DPPA4: variants seen among roughly 807,000 people sequenced by gnomAD.
DPPA4 encodes the protein developmental pluripotency-associated protein 4.
DPPA4 carries 22 observed loss-of-function variants against 33.7 expected under a neutral mutation model. The observed-to-expected ratio is 0.65, with a 90% confidence interval of 0.47 to 0.93. The LOEUF (loss-of-function observed/expected upper bound fraction) is 0.93, where lower values mean the gene tolerates loss of function less well. Ranked by LOEUF, DPPA4 falls within the 40% of genes least tolerant of loss-of-function variation. DPPA4 has a pLI of 0.00. For missense variants in DPPA4, 340 were observed against 358.6 expected (o/e 0.95, Z 0.42); for synonymous variants, 156 against 132.3 (o/e 1.18, Z -1.23).
rs1316494103 is a variant in DPPA4, at chr3:109,327,791, T to C, written c.*197A>G. The C allele has an allele frequency of 2.1e-6, 1 of 482,370 alleles. No individual in the cohort carries two copies. Among genetic ancestry groups the C allele is most frequent in the African/African-American group, 2.0e-5 (1 of 50,650 alleles). The allele number at this position is 482,370 out of a possible 1,614,324, so 29.9% of individuals were successfully genotyped here. ...TGTGAAATGTTTTTCCATTTTTAAA[T>C]GTAAGAGTCTCTATCTCCACTCACA... On this transcript the variant is annotated 3_prime_UTR_variant, in exon 7 of 7. Transcript: ENST00000335658.
Position 109,337,447 on chromosome 3 carries a change from A to G in DPPA4, c.54+17T>C, listed in dbSNP as rs1226912110. On this transcript the variant is annotated intron_variant, in intron 1 of 6. Coordinates refer to ENST00000335658, the MANE Select transcript of DPPA4 (RefSeq NM_018189.4). ...ACAAAGACAGACAGAAAACAAATCC[A>G]CTAAAACTGTACTGACCTCCTTGCC... The G allele has an allele frequency of 1.2e-6, 2 of 1,612,428 alleles. No individual in the cohort carries two copies. The highest frequency in any genetic ancestry group is 2.7e-5 in the African/African-American group (2 of 74,794).
In DPPA4 at chr3:109,328,938, G is replaced by A; in HGVS notation, c.830C>T (p.Pro277Leu). ...CATATTGTCTTCAAGGTGCGGGGGT[G>A]GAAAATTGGAGGCAGGAAGCAAGAA... ...ALFLLPASNF[P>L]PPHLEDNMLC... Residue 277 changes from proline (P) to leucine (L), a missense_variant, in exon 6 of 7, where the codon CCA (proline) becomes CTA (leucine). Coordinates refer to ENST00000335658, the MANE Select transcript of DPPA4 (RefSeq NM_018189.4). The A allele has an allele frequency of 2.5e-6, 4 of 1,614,042 alleles. No individual in the cohort carries two copies. Among genetic ancestry groups the A allele is most frequent in the Non-Finnish European group, 3.4e-6 (4 of 1,180,004 alleles).
chr3:109,337,940 A>T (rs531562009), upstream of DPPA4, among the ~76,000 whole-genome samples: 1 of 152,338 alleles, frequency 6.6e-6, no homozygotes, highest in East Asian at 1.9e-4. Flanking sequence ...GGCGGCTTGA[A>T]GAAAGCTATT....
chr3:109,336,208 C>G (rs896683250), intron 1 of DPPA4: 1 of 151,876 alleles, frequency 6.6e-6, no homozygotes, highest in African/African-American at 2.4e-5. Context: ...TCTTCACTTT[C>G]AGGGTGGATT....
chr3:109,336,686 T>C (rs1378282280), intron 1 of DPPA4, among the ~76,000 whole-genome samples: 2 of 152,142 alleles, frequency 1.3e-5, no homozygotes, highest in Non-Finnish European at 2.9e-5. Context: ...ATTCAGTTAG[T>C]TCTTTCTGAC....
At chr3:109,338,465 G>A (rs967824208), upstream of DPPA4, among the ~76,000 whole-genome samples, 6 of 152,220 alleles carry the variant, frequency 3.9e-5, no homozygotes, top group Non-Finnish European at 7.3e-5. Flanking sequence ...GTGAAGTGAA[G>A]GAAGCAGTGG....
rs1708088283 is a variant in DPPA4 at position 109,331,920 on chromosome 3, TC to T, written c.289del (p.Asp97ThrfsTer10). On this transcript the variant is annotated frameshift_variant, in exon 3 of 7. Coordinates refer to ENST00000335658, the MANE Select transcript of DPPA4 (RefSeq NM_018189.4). LOFTEE classifies it high-confidence loss of function. ...TTGTTGGCACCAGGCCCGCAGAATG[TC>T]CCGGTGAATCAGATTAACAGGTGGC... The part of the protein sequence containing the change: ...KLPPVNLIHR[D>X]ILRAWCQQLK... The T allele has an allele frequency of 6.2e-7, 1 of 1,613,992 alleles. No individual in the cohort carries two copies. The highest frequency in any genetic ancestry group is 8.5e-7 in the Non-Finnish European group (1 of 1,180,042).
chr3:109,329,326 G>A (rs1708004732), intron 5 of DPPA4: 6 of 458,028 alleles, frequency 1.3e-5, no homozygotes, highest in Middle Eastern at 6.2e-4. Flanking sequence ...ACGAGGTCAG[G>A]AGATCGAGAC....
In DPPA4 at chr3:109,328,936, G is replaced by C; in HGVS notation, c.832C>G (p.Pro278Ala). 6.2e-7 allele frequency: 1 copy of C among 1,614,070 alleles called. No homozygotes were observed. Among genetic ancestry groups the C allele is most frequent in the Non-Finnish European group, 8.5e-7 (1 of 1,179,998 alleles). The change falls in exon 6 of 7, where the codon CCC becomes GCC. Residue 278 changes from proline to alanine, a missense_variant. Transcript: ENST00000335658. ...AACATATTGTCTTCAAGGTGCGGGG[G>C]TGGAAAATTGGAGGCAGGAAGCAAG... ...LFLLPASNFP[P>A]PHLEDNMLCP...
intron 1 of DPPA4, among the ~76,000 whole-genome samples, chr3:109,336,031 C>A (rs1382444611): frequency 1.3e-5 from 2 of 151,314 alleles, no homozygotes; most frequent in African/African-American, 4.9e-5. Context: ...TGCGTGCCTG[C>A]AATCCCAGCT....
chr3:109,339,527 G>A (rs1158647814), upstream of DPPA4, among the ~76,000 whole-genome samples: 1 of 152,154 alleles, frequency 6.6e-6, no homozygotes, highest in African/African-American at 2.4e-5. Flanking sequence ...ACTTTGGGAG[G>A]CAGGAGAATC....
intron 5 of DPPA4, 191 bp downstream of exon 5, chr3:109,330,315 AAAAAAAAAAAAAAAAAGG>A: frequency 3.2e-5 from 1 of 31,254 alleles, no homozygotes; most frequent in Non-Finnish European, 5.5e-5. Flanking sequence ...AAAAAAAAAA[AAAAAAAAAAAAAAAAAGG>A]AAAAAAAAAA....
intron 6 of DPPA4, among the ~76,000 whole-genome samples, chr3:109,328,473 C>T (rs1707984461): frequency 6.6e-6 from 1 of 152,200 alleles, no homozygotes; most frequent in Non-Finnish European, 1.5e-5. Flanking sequence ...TTACCGATCT[C>T]TCCTTTCCAT....
upstream of DPPA4, among the ~76,000 whole-genome samples, chr3:109,339,154 G>T (rs1027642193): frequency 4.0e-4 from 56 of 138,672 alleles, no homozygotes; most frequent in African/African-American, 1.8e-3. Context: ...TCGTGCCATT[G>T]CACTCCAGCC....
chr3:109,338,547 T>C (rs1414148695), upstream of DPPA4, among the ~76,000 whole-genome samples: 1 of 152,212 alleles, frequency 6.6e-6, no homozygotes, highest in Non-Finnish European at 1.5e-5. Flanking sequence ...TGTTGTTTTT[T>C]TTTCCTACAT....
intron 2 of DPPA4, 162 bp from the exon 3 acceptor site, chr3:109,332,193 G>A (rs926166726): frequency 1.4e-5 from 7 of 494,848 alleles, no homozygotes; most frequent in Non-Finnish European, 2.1e-5. Context: ...CCTCCGCCTC[G>A]TGGGTTCAAG....
At chr3:109,339,537 C>T (rs960818300), upstream of DPPA4, among the ~76,000 whole-genome samples, 16 of 151,910 alleles carry the variant, frequency 1.1e-4, no homozygotes, top group African/African-American at 2.9e-4. Context: ...GCAGGAGAAT[C>T]GCTTGAGCTC....
At chr3:109,336,476 T>C (rs2107353462) in intron 1 of DPPA4, 1 of 152,312 alleles carries the variant, frequency 6.6e-6, no homozygotes, top group East Asian at 1.9e-4. Context: ...TCCCAATGTC[T>C]GGCTTCTGAT....
At chr3:109,329,445 G>C (rs1708008472) in intron 5 of DPPA4, 1 of 207,202 alleles carries the variant, frequency 4.8e-6, no homozygotes, top group Non-Finnish European at 9.9e-6. Context: ...TGAGGCAGGA[G>C]AATGGCGTGA....
Sources: gnomAD v4.1 joint callset for allele counts (sites outside exome capture counted in the v4.1 genomes callset) on GRCh38, gnomAD v4.1.1 for gene constraint, MANE v1.5 for transcripts, NCBI Gene and HGNC (gene_info 2026-07-23, HGNC 2026-07-21) for gene names.